Variants in EHD1 observed in about 807,000 individuals in gnomAD.
EHD1 encodes the protein EH domain-containing protein 1.
EHD1 carries 19 observed loss-of-function variants against 39.0 expected under a neutral mutation model. The observed-to-expected ratio is 0.49, with a 90% CI of 0.34 to 0.72. EHD1 has a LOEUF of 0.72. Among genes scored for constraint, EHD1 ranks in the 30% least tolerant of loss-of-function variants. EHD1 has a pLI of 0.01. For synonymous variants in EHD1, 323 were observed against 331.2 expected (o/e 0.98, Z 0.27); for missense variants, 542 against 751.5 (o/e 0.72, Z 3.26).
At chr11:64,878,691 G>C (rs543344915), upstream of EHD1, 69 of 1,355,448 alleles carry the variant, frequency 5.1e-5, no homozygotes, top group East Asian at 1.8e-3. Flanking sequence ...CGCCGCGGCG[G>C]GGGCAGGGCG....
At position 64,868,965 on chromosome 11, in the gene EHD1, T is replaced by C. The variant is rs532978892; in HGVS notation, c.502+5456A>G. 3.3e-5 allele frequency among the ~76,000 whole-genome samples: 5 copies of C among 152,202 alleles called. No homozygotes were observed. The highest frequency in any genetic ancestry group is 1.3e-4 in the Admixed American group (2 of 15,292). On this transcript the variant is annotated intron_variant, in intron 2 of 4. Transcript: ENST00000320631. This position sits in a 1 kb window ranked among gnomAD's most constrained non-coding sequence, Gnocchi z 4.2. ...TTCTCAGTCTGTAACACGAAGATAG[T>C]AGGTTTCCAGCTTGGAGGGCCGCGG...
chr11:64,878,969 T>A (rs906619166), upstream of EHD1: 82 of 1,003,120 alleles, frequency 8.2e-5, no homozygotes, highest in Non-Finnish European at 9.5e-5. Context: ...CCCCGCGGGA[T>A]GGCTCCACGA....
rs1943797117 is a variant in EHD1, at chr11:64,868,868, C to A, written c.502+5553G>T. ...CTGGAATCAGGCCCACATTTCCATC[C>A]TGAACCTTCTACTCAACAACGAGCT... On this transcript the variant is annotated intron_variant, in intron 2 of 4. Coordinates refer to ENST00000320631, the MANE Select transcript of EHD1 (RefSeq NM_006795.4). This position sits in a 1 kb window ranked among gnomAD's most constrained non-coding sequence, Gnocchi z 4.2. 6.6e-6 allele frequency among the ~76,000 whole-genome samples: 1 copy of A among 152,184 alleles called. No individual in the cohort carries two copies.
intron 2 of EHD1, among the ~76,000 whole-genome samples, chr11:64,861,046 T>C (rs994688844): frequency 1.4e-5 from 2 of 141,382 alleles, no homozygotes; most frequent in South Asian, 4.4e-4. Context: ...AATAGCCGGG[T>C]GTGGTGGCAC....
upstream of EHD1, chr11:64,879,596 C>T (rs1346341474): frequency 1.3e-6 from 2 of 1,550,962 alleles, no homozygotes; most frequent in African/African-American, 2.7e-5. Context: ...GGGATCTGTG[C>T]CCTACCTCCC....
At chr11:64,874,398 G>T in intron 2 of EHD1, 23 bp downstream of exon 2, 1 of 1,563,632 alleles carries the variant, frequency 6.4e-7, no homozygotes. Flanking sequence ...CCAGCAGCCC[G>T]AGCTGTGGTC....
intron 4 of EHD1, 184 bp downstream of exon 4, chr11:64,855,138 C>A: frequency 9.7e-7 from 1 of 1,034,160 alleles, no homozygotes; most frequent in Non-Finnish European, 1.4e-6. Flanking sequence ...TCACCACATT[C>A]CCCTCTGCAG....
At chr11:64,875,790 G>A (rs889385393) in intron 1 of EHD1, 2 of 152,228 alleles carry the variant, frequency 1.3e-5, no homozygotes, top group African/African-American at 4.8e-5. Flanking sequence ...GACCTGCAGG[G>A]CGAGCAAAAC....
At chr11:64,863,161 G>A (rs544604129) in intron 2 of EHD1, among the ~76,000 whole-genome samples, 5 of 152,124 alleles carry the variant, frequency 3.3e-5, no homozygotes, top group Admixed American at 6.5e-5. Context: ...GTCAGGCTCC[G>A]GAAAAGAGCA....
chr11:64,877,947 C>T, intron 1 of EHD1, 114 bp downstream of exon 1: 1 of 1,151,592 alleles, frequency 8.7e-7, no homozygotes, highest in East Asian at 2.8e-5. Context: ...CTGAGGGTCT[C>T]ACTGGGGCCT....
In EHD1 at chr11:64,853,781, G is replaced by C. The variant is rs1395936296; in HGVS notation, c.*552C>G. On this transcript the variant is annotated 3_prime_UTR_variant, in exon 5 of 5. Coordinates refer to ENST00000320631, the MANE Select transcript of EHD1 (RefSeq NM_006795.4). Reference sequence around the variant, plus strand: ...GGTGGGGCGCGGGAGGAAAGGGCAGGGCCCGCGCACGGGGAGCCTGGGCCC... The same window carrying C: ...GGTGGGGCGCGGGAGGAAAGGGCAGCGCCCGCGCACGGGGAGCCTGGGCCC... The C allele has an allele frequency of 1.3e-5, 2 of 158,122 alleles. No individual in the cohort carries two copies. Among genetic ancestry groups the C allele is most frequent in the African/African-American group, 4.8e-5 (2 of 41,520 alleles). 9.8% of individuals were successfully genotyped at this position (158,122 alleles called of 1,614,324 possible).
intron 2 of EHD1, among the ~76,000 whole-genome samples, chr11:64,870,245 G>A (rs1943813583): frequency 6.6e-6 from 1 of 152,166 alleles, no homozygotes; most frequent in African/African-American, 2.4e-5. Context: ...AGGGGCAAAG[G>A]TCTGTCTGAC....
chr11:64,862,199 G>A (rs539617028), intron 2 of EHD1, among the ~76,000 whole-genome samples: 6 of 152,278 alleles, frequency 3.9e-5, no homozygotes, highest in African/African-American at 9.6e-5. Context: ...GAGCCACCGC[G>A]CCTGGATTCT....
At position 64,874,505 on chromosome 11, in the gene EHD1, G is replaced by A. The variant is rs1300193499; in HGVS notation, c.418C>T (p.Gln140Ter). ...NAFLNRFMCA[Q>*]LPNPVLDSIS... ...CTGTCCAGGACGGGGTTGGGCAGCT[G>A]GGCACACATGAACCTACATGAGAGC... is the stretch of plus-strand genomic sequence containing the variant. The change falls in exon 2 of 5, where the codon CAG becomes TAG. Residue 140 changes from glutamine (Q) to a stop codon, truncating the protein, a stop_gained. Transcript: ENST00000320631. LOFTEE classifies it high-confidence loss of function. 2 of 1,608,442 alleles carry A rather than the reference G, an allele frequency of 1.2e-6. No homozygotes were observed. The highest frequency in any genetic ancestry group is 1.7e-4 in the Middle Eastern group (1 of 6,044).
chr11:64,852,296 C>T lies in EHD1; in HGVS notation c.*2037G>A, dbSNP rs951591144. The T allele has an allele frequency of 6.6e-6, 1 of 152,240 alleles. No homozygotes were observed. Among genetic ancestry groups the T allele is most frequent in the Non-Finnish European group, 1.5e-5 (1 of 68,070 alleles). 9.4% of individuals were successfully genotyped at this position (152,240 alleles called of 1,614,324 possible). ...CTTTGTCTTCAGAGGCCCGGCTTCC[C>T]TGTACTTAAACCGTCCTTGGGGCTA... On this transcript the variant is annotated 3_prime_UTR_variant, in exon 5 of 5. Coordinates refer to ENST00000320631, the MANE Select transcript of EHD1 (RefSeq NM_006795.4).
chr11:64,864,030 A>G (rs7107394), intron 2 of EHD1, among the ~76,000 whole-genome samples: 57,836 of 152,142 alleles, frequency 0.38, 14,158 homozygotes, highest in Non-Finnish European at 0.57. Context: ...CCTTGAGCAA[A>G]GTCACCAAAA....
intron 2 of EHD1, among the ~76,000 whole-genome samples, chr11:64,864,891 T>TC (rs1472232767): frequency 6.6e-6 from 1 of 151,542 alleles, no homozygotes; most frequent in Non-Finnish European, 1.5e-5. Context: ...CACTCCCCCC[T>TC]CCCCCTGGAT....
chr11:64,877,786 G>C (rs1463318828), intron 1 of EHD1: 1 of 365,780 alleles, frequency 2.7e-6, no homozygotes, highest in Non-Finnish European at 4.9e-6. Flanking sequence ...GCTGCTGAGG[G>C]GAGTGGGGCT....
In EHD1 at chr11:64,873,756, A is replaced by G. The variant is rs192645179; in HGVS notation, c.502+665T>C. On this transcript the variant is annotated intron_variant, in intron 2 of 4. Coordinates refer to ENST00000320631, the MANE Select transcript of EHD1 (RefSeq NM_006795.4). Reference sequence around the variant, plus strand: ...CAGTGGCGCGATCTCGGCTCACTGCAAGCTCTACCTCCTGGGTTCACGCTA... The same window carrying G: ...CAGTGGCGCGATCTCGGCTCACTGCGAGCTCTACCTCCTGGGTTCACGCTA... Among the ~76,000 whole-genome samples, 103 of 150,870 alleles carry G rather than the reference A, an allele frequency of 6.8e-4. No individual in the cohort carries two copies. The East Asian group carries it at 0.017, about 24-fold the overall frequency.
Sources: gnomAD v4.1 joint callset for allele counts (sites outside exome capture counted in the v4.1 genomes callset) on GRCh38, gnomAD v4.1.1 for gene constraint, Gnocchi (gnomAD v3.1) non-coding constraint, MANE v1.5 for transcripts, NCBI Gene and HGNC (gene_info 2026-07-23, HGNC 2026-07-21) for gene names.